The following C4orf46 variants were observed in gnomAD, a reference collection of about 807,000 sequenced individuals.
C4orf46 encodes chromosome 4 open reading frame 46, also known as renal cancer differentiation gene 1 protein.
C4orf46 carries 8 observed loss-of-function variants against 9.1 expected under a neutral mutation model. That is an observed-to-expected ratio of 0.88 (90% confidence interval 0.52 to 1.59). The LOEUF (loss-of-function observed/expected upper bound fraction) is 1.59. Ranked by LOEUF, C4orf46 falls within the 40% of genes most tolerant of loss-of-function variation. The probability of loss-of-function intolerance (pLI) is 0.00; values close to 1 mark genes in which losing one functional copy is unlikely to be tolerated. For missense variants in C4orf46, 151 were observed against 139.1 expected, an observed-to-expected ratio of 1.09 and a Z score of -0.43; for synonymous variants, 51 against 58.8, an observed-to-expected ratio of 0.87 and a Z score of 0.61.
chr4:158,671,722 G>T lies in C4orf46; in HGVS notation c.80C>A (p.Ala27Glu), dbSNP rs758832408. The change falls in exon 1 of 2, where the codon GCA (alanine) becomes GAA (glutamate). Residue 27 changes from alanine (A) to glutamate (E), a missense_variant. Physicochemically the swap from Ala to Glu is moderately radical, Grantham distance 107. Coordinates refer to ENST00000379205, the MANE Select transcript of C4orf46 (RefSeq NM_001008393.4). Reference protein sequence around the residue: ...PSSPSSSDASAASSPGGPVSL... With the variant: ...PSSPSSSDASEASSPGGPVSL... ...CACTGGGCCGCCCGGGGAAGATGCTGCAGAGGCGTCTGAAGAGGAGGGAGA... is the reference window on the plus strand; with the variant it reads ...CACTGGGCCGCCCGGGGAAGATGCTTCAGAGGCGTCTGAAGAGGAGGGAGA... 1.2e-6 allele frequency: 2 copies of T among 1,601,700 alleles called. No individual in the cohort carries two copies. Among genetic ancestry groups the T allele is most frequent in the Non-Finnish European group, 1.7e-6 (2 of 1,174,368 alleles).
rs141266470 is a variant in C4orf46, at chr4:158,669,641, C to G, written c.314G>C (p.Gly105Ala). 5.0e-6 allele frequency: 8 copies of G among 1,613,132 alleles called. No homozygotes were observed. In the African/African-American group the frequency reaches 1.1e-4, roughly 22 times the overall value. Reference protein sequence around the residue: ...LKTWRDLLKEGYDSLKPDD With the variant: ...LKTWRDLLKEAYDSLKPDD Reference sequence around the variant, plus strand: ...GTCATCAGGTTTCAAAGAATCATAGCCTTCTTTCAAGAGGTCCCGCCACGT... The same window carrying G: ...GTCATCAGGTTTCAAAGAATCATAGGCTTCTTTCAAGAGGTCCCGCCACGT... Residue 105 changes from glycine (G) to alanine (A), a missense_variant, in exon 2 of 2, where the codon GGC (glycine) becomes GCC (alanine). By Grantham distance (60) the Gly-to-Ala change is moderately conservative. Transcript: ENST00000379205.
At chr4:158,669,889 A>G (rs897472500) in intron 1 of C4orf46, 121 bp from the exon 2 acceptor site, 4 of 820,102 alleles carry the variant, frequency 4.9e-6, no homozygotes, top group African/African-American at 1.7e-5. Context: ...CAAAGTAATC[A>G]GTTTTCAAAC....
Position 158,671,624 on chromosome 4 carries a change from T to G in C4orf46, c.178A>C (p.Ile60Leu). 1 of 1,561,480 alleles carries G rather than the reference T, an allele frequency of 6.4e-7. No individual in the cohort carries two copies. Among genetic ancestry groups the G allele is most frequent in the Non-Finnish European group, 8.7e-7 (1 of 1,150,196 alleles). Reference protein sequence around the residue: ...VDQLEEVELQIGDAAFSLTKL... With the variant: ...VDQLEEVELQLGDAAFSLTKL... Reference sequence around the variant, plus strand: ...CCCGACACCACACTCACGTCTCCGATCTGCAGCTCCACTTCCTCCAGCTGG... The same window carrying G: ...CCCGACACCACACTCACGTCTCCGAGCTGCAGCTCCACTTCCTCCAGCTGG... Residue 60 changes from isoleucine to leucine, a missense_variant, in exon 1 of 2, where the codon ATC (isoleucine) becomes CTC (leucine). Ile to Leu is a conservative substitution (Grantham distance 5). Coordinates refer to ENST00000379205, the MANE Select transcript of C4orf46 (RefSeq NM_001008393.4).
intron 1 of C4orf46, 56 bp downstream of exon 1, chr4:158,671,560 G>T: frequency 7.2e-7 from 1 of 1,392,478 alleles, no homozygotes; most frequent in Non-Finnish European, 9.5e-7. Flanking sequence ...GAGCCCCGCC[G>T]CCGCCGGTCT....
chr4:158,669,553 A>C lies in C4orf46; in HGVS notation c.*60T>G. 6.4e-7 allele frequency: 1 copy of C among 1,550,554 alleles called. No homozygotes were observed. Among genetic ancestry groups the C allele is most frequent in the Admixed American group, 1.7e-5 (1 of 59,140 alleles). On this transcript the variant is annotated 3_prime_UTR_variant, in exon 2 of 2. Coordinates refer to ENST00000379205, the MANE Select transcript of C4orf46 (RefSeq NM_001008393.4). ...ATCCTATATGTGTGGTACATGTACA[A>C]AATATGACATAAGAAGTATGAATTA...
chr4:158,668,234 A>T lies in C4orf46; in HGVS notation c.*1379T>A, dbSNP rs1292642757. On this transcript the variant is annotated 3_prime_UTR_variant, in exon 2 of 2. Transcript: ENST00000379205. ...TAAAATGTGCTTTTAATAATAATTT[A>T]TTTTTACACATTTTAAAAATTGCAA... 6.6e-6 allele frequency: 1 copy of T among 152,636 alleles called. No individual in the cohort carries two copies. The highest frequency in any genetic ancestry group is 1.9e-4 in the East Asian group (1 of 5,196). The allele number at this position is 152,636 out of a possible 1,614,324, so 9.5% of individuals were successfully genotyped here.
In C4orf46 at chr4:158,668,229, AATTT is replaced by A. The variant is rs1406467383; in HGVS notation, c.*1380_*1383del. The A allele has an allele frequency of 6.6e-6, 1 of 152,636 alleles. No individual in the cohort carries two copies. The highest frequency in any genetic ancestry group is 1.5e-5 in the Non-Finnish European group (1 of 68,042). The allele number at this position is 152,636 out of a possible 1,614,324, so 9.5% of individuals were successfully genotyped here. ...GGAAATAAAATGTGCTTTTAATAAT[AATTT>A]ATTTTTACACATTTTAAAAATTGCA... On this transcript the variant is annotated 3_prime_UTR_variant, in exon 2 of 2. Transcript: ENST00000379205.
intron 1 of C4orf46, among the ~76,000 whole-genome samples, chr4:158,670,028 T>TTCTTTTTTTTTTC (rs1773483051): frequency 8.8e-6 from 1 of 113,142 alleles, no homozygotes; most frequent in Non-Finnish European, 1.7e-5. Context: ...GTTTTCTTTT[T>TTCTTTTTTTTTTC]TTTTTTTTTT....
Position 158,667,612 on chromosome 4 carries a change from A to T in C4orf46, c.*2001T>A, listed in dbSNP as rs1198022883. The stretch of plus-strand genomic sequence containing the variant: ...GCTTTATAGGAGGAGGCGAGATGGG[A>T]GGATTGTTTGAGTCCAAGTTTAAGG... On this transcript the variant is annotated 3_prime_UTR_variant, in exon 2 of 2. Transcript: ENST00000379205. 2 of 152,048 alleles carry T rather than the reference A, an allele frequency of 1.3e-5. No homozygotes were observed. Among genetic ancestry groups the T allele is most frequent in the African/African-American group, 2.4e-5 (1 of 41,430 alleles). 9.4% of individuals were successfully genotyped at this position (152,048 alleles called of 1,614,324 possible).
rs1773445102 is a variant in C4orf46 at position 158,668,849 on chromosome 4, T to C, written c.*764A>G. On this transcript the variant is annotated 3_prime_UTR_variant, in exon 2 of 2. Transcript: ENST00000379205. ...GAAATAAATAGGGAAAAAATATGCA[T>C]TCTTTCTAAACAGTCTTTCCCTTTC... is the stretch of plus-strand genomic sequence containing the variant. 1 of 152,178 alleles carries C rather than the reference T, an allele frequency of 6.6e-6. No homozygotes were observed. The highest frequency in any genetic ancestry group is 1.5e-5 in the Non-Finnish European group (1 of 68,028). The allele number at this position is 152,178 out of a possible 1,614,324, so 9.4% of individuals were successfully genotyped here. A position where few individuals can be genotyped will look rare whatever the true frequency, so the allele number is the denominator to read the frequency against.
chr4:158,671,555 C>A (rs1773547553), intron 1 of C4orf46, 61 bp downstream of exon 1: 3 of 1,382,810 alleles, frequency 2.2e-6, no homozygotes, highest in Non-Finnish European at 2.9e-6. Flanking sequence ...CTCGCGAGCC[C>A]CGCCGCCGCC....
intron 1 of C4orf46, among the ~76,000 whole-genome samples, chr4:158,671,403 A>T (rs1773539141): frequency 6.6e-6 from 1 of 152,140 alleles, no homozygotes; most frequent in Non-Finnish European, 1.5e-5. Context: ...AAGACTCCTC[A>T]CCACTAAATC....
rs1773451350 is a variant in C4orf46, at chr4:158,669,087, CTT to C, written c.*524_*525del. The C allele has an allele frequency of 6.6e-6, 1 of 152,218 alleles. No homozygotes were observed. Among genetic ancestry groups the C allele is most frequent in the African/African-American group, 2.4e-5 (1 of 41,452 alleles). The allele number at this position is 152,218 out of a possible 1,614,324, so 9.4% of individuals were successfully genotyped here. A position where few individuals can be genotyped will look rare whatever the true frequency, so the allele number is the denominator to read the frequency against. Reference sequence around the variant, plus strand: ...AAGCTTTCAATTATGTTTGTTAACTCTTTTATTCAACAAACATTTAGTGAATG... The same window carrying C: ...AAGCTTTCAATTATGTTTGTTAACTCTTATTCAACAAACATTTAGTGAATG... On this transcript the variant is annotated 3_prime_UTR_variant, in exon 2 of 2. Transcript: ENST00000379205.
chr4:158,669,814 C>G (rs752363078), intron 1 of C4orf46, 46 bp from the exon 2 acceptor site: 4 of 1,493,006 alleles, frequency 2.7e-6, no homozygotes, highest in Non-Finnish European at 2.7e-6. Flanking sequence ...AAATTCTCAT[C>G]TCATTTTATA....
At position 158,667,632 on chromosome 4, in the gene C4orf46, T is replaced by C. The variant is rs7697479; in HGVS notation, c.*1981A>G. The C allele has an allele frequency of 0.9, 136,799 of 152,016 alleles. 63,248 individuals carry two copies. The highest frequency in any genetic ancestry group is 1 in the East Asian group (5,184 of 5,184). 9.4% of individuals were successfully genotyped at this position (152,016 alleles called of 1,614,324 possible). On this transcript the variant is annotated 3_prime_UTR_variant, in exon 2 of 2. Coordinates refer to ENST00000379205, the MANE Select transcript of C4orf46 (RefSeq NM_001008393.4). Reference sequence around the variant, plus strand: ...ATGGGAGGATTGTTTGAGTCCAAGTTTAAGGTTACAGTGAGCTATGATCCT... The same window carrying C: ...ATGGGAGGATTGTTTGAGTCCAAGTCTAAGGTTACAGTGAGCTATGATCCT...
intron 1 of C4orf46, among the ~76,000 whole-genome samples, chr4:158,671,364 G>A (rs1035309030): frequency 6.6e-6 from 1 of 152,198 alleles, no homozygotes; most frequent in African/African-American, 2.4e-5. Flanking sequence ...AACCAGTGAG[G>A]GGTGGGGCGG....
Position 158,671,254 on chromosome 4 carries a change from G to A in C4orf46, c.186+362C>T, listed in dbSNP as rs559663305. Among the ~76,000 whole-genome samples, 16 of 152,342 alleles carry A rather than the reference G, an allele frequency of 1.1e-4. No homozygotes were observed. The South Asian group carries it at 2.7e-3, about 26-fold the overall frequency. ...ACCCATGCAATGAAAACTATTCTCC[G>A]ATGGGAAAGGAGGAGGCAGAGAGCC... On this transcript the variant is annotated intron_variant, in intron 1 of 1. Coordinates refer to ENST00000379205, the MANE Select transcript of C4orf46 (RefSeq NM_001008393.4).
Position 158,667,482 on chromosome 4 carries a change from G to A in C4orf46, c.*2131C>T, listed in dbSNP as rs1773408399. The A allele has an allele frequency of 4.6e-5, 7 of 151,962 alleles. No individual in the cohort carries two copies. The South Asian group carries it at 8.3e-4, about 18-fold the overall frequency. 9.4% of individuals were successfully genotyped at this position (151,962 alleles called of 1,614,324 possible). A position where few individuals can be genotyped will look rare whatever the true frequency, so the allele number is the denominator to read the frequency against. The stretch of plus-strand genomic sequence containing the variant: ...CAAACCAGACTAAAAAAGATAATTG[G>A]AACATACATAACAGATCATTAGTAT... On this transcript the variant is annotated 3_prime_UTR_variant, in exon 2 of 2. Coordinates refer to ENST00000379205, the MANE Select transcript of C4orf46 (RefSeq NM_001008393.4).
Position 158,671,470 on chromosome 4 carries a change from T to C in C4orf46, c.186+146A>G. 7 of 801,998 alleles carry C rather than the reference T, an allele frequency of 8.7e-6. No individual in the cohort carries two copies. The East Asian group carries it at 1.6e-4, about 19-fold the overall frequency. 49.7% of individuals were successfully genotyped at this position (801,998 alleles called of 1,614,324 possible). On this transcript the variant is annotated intron_variant, in intron 1 of 1. Transcript: ENST00000379205. ...TTTAGCTGCTGGCATCCCCCCCGCT[T>C]CCCGCCCGCACGCTCTGGGGCGCAG...
Sources: gnomAD v4.1 joint callset for allele counts (sites outside exome capture counted in the v4.1 genomes callset) on GRCh38, gnomAD v4.1.1 for gene constraint, MANE v1.5 for transcripts, NCBI Gene and HGNC (gene_info 2026-07-23, HGNC 2026-07-21) for gene names.